The following CLIC5 variants were observed in gnomAD, a reference collection of about 807,000 sequenced individuals.
CLIC5 encodes the protein chloride intracellular channel protein 5.
A neutral mutation model predicts 24.7 loss-of-function variants in CLIC5; 20 were observed. That is an observed-to-expected ratio of 0.81 (90% CI 0.57 to 1.18). The LOEUF is 1.18. Among genes scored for constraint, CLIC5 ranks in the 50% most tolerant of loss-of-function variants. CLIC5 has a pLI of 0.00. For missense variants in CLIC5, 341 were observed against 326.1 expected, an observed-to-expected ratio of 1.05 and a Z score of -0.35; for synonymous variants, 159 against 135.6, an observed-to-expected ratio of 1.17 and a Z score of -1.20.
chr6:45,946,575 G>A (rs1048132184), intron 3 of CLIC5, among the ~76,000 whole-genome samples: 4 of 152,176 alleles, frequency 2.6e-5, no homozygotes, highest in African/African-American at 4.8e-5. Context: ...GGGTTTTGCT[G>A]CCCCCTAGAG....
intron 1 of CLIC5, among the ~76,000 whole-genome samples, chr6:46,056,998 C>A (rs1462230811): frequency 2.6e-5 from 4 of 152,202 alleles, no homozygotes; most frequent in East Asian, 3.8e-4. Context: ...GGGTACCATG[C>A]ATATCTCAGA....
In CLIC5 at chr6:45,980,719, C is replaced by A. The variant is rs971007807; in HGVS notation, c.64-25475G>T. On this transcript the variant is annotated intron_variant, in intron 1 of 5. Coordinates refer to ENST00000339561, the MANE Select transcript of CLIC5 (RefSeq NM_016929.5). Reference sequence around the variant, plus strand: ...AATTCCAATAATTAAAAAAAAAAAACCTAGAAAGAAACCAAAACATTATCA... The same window carrying A: ...AATTCCAATAATTAAAAAAAAAAAAACTAGAAAGAAACCAAAACATTATCA... Among the ~76,000 whole-genome samples the A allele has an allele frequency of 5.3e-5, 8 of 150,770 alleles. 1 individual carries two copies.
At chr6:46,028,613 A>G (rs935894592) in intron 1 of CLIC5, among the ~76,000 whole-genome samples, 1 of 152,156 alleles carries the variant, frequency 6.6e-6, no homozygotes, top group African/African-American at 2.4e-5. Context: ...TAAGCCATGT[A>G]TGATCTATTT....
At chr6:46,066,873 G>C (rs1762457306) in intron 1 of CLIC5, among the ~76,000 whole-genome samples, 1 of 152,140 alleles carries the variant, frequency 6.6e-6, no homozygotes, top group African/African-American at 2.4e-5. Context: ...TGTAGGCAGA[G>C]GTATCAGCAT....
At chr6:45,909,388 C>T (rs1009658642) in intron 5 of CLIC5, among the ~76,000 whole-genome samples, 1 of 152,132 alleles carries the variant, frequency 6.6e-6, no homozygotes, top group Middle Eastern at 3.2e-3. Context: ...TGGCTATTTA[C>T]AAGTGTGTTT....
chr6:46,114,075 C>A, the CLIC5 span, among the ~76,000 whole-genome samples: 1 of 152,166 alleles, frequency 6.6e-6, no homozygotes, highest in African/African-American at 2.4e-5. Flanking sequence ...TTTAAAGAGA[C>A]ATTACACTCT....
the CLIC5 span, among the ~76,000 whole-genome samples, chr6:46,092,833 A>G: frequency 6.6e-6 from 1 of 152,136 alleles, no homozygotes; most frequent in Admixed American, 6.5e-5. Context: ...TATTACTTCC[A>G]TGTCCTGAAG....
At chr6:46,124,879 G>A in the CLIC5 span, among the ~76,000 whole-genome samples, 90 of 152,258 alleles carry the variant, frequency 5.9e-4, no homozygotes, top group South Asian at 8.9e-3. Flanking sequence ...ACAATGAGAT[G>A]TCATCTCACA....
intron 1 of CLIC5, chr6:46,014,841 C>G (rs139743619): frequency 1.3e-4 from 20 of 152,344 alleles, no homozygotes; most frequent in African/African-American, 4.6e-4. Context: ...ACGGGAGGCT[C>G]TCCCTACTAC....
chr6:45,967,891 AG>A (rs1405294854), intron 1 of CLIC5, among the ~76,000 whole-genome samples: 1 of 152,188 alleles, frequency 6.6e-6, no homozygotes, highest in Non-Finnish European at 1.5e-5. Context: ...GCACAAAGTC[AG>A]GAGGGAACCA....
chr6:46,034,484 C>T (rs1246643928), intron 1 of CLIC5, among the ~76,000 whole-genome samples: 2 of 152,172 alleles, frequency 1.3e-5, no homozygotes, highest in African/African-American at 4.8e-5. Flanking sequence ...TGCCTGTAAC[C>T]TCAGCACTTT....
At chr6:46,041,647 T>C (rs1264735958) in intron 1 of CLIC5, among the ~76,000 whole-genome samples, 1 of 152,224 alleles carries the variant, frequency 6.6e-6, no homozygotes, top group African/African-American at 2.4e-5. Context: ...TAATTACATG[T>C]CTGCTCATTT....
intron 1 of CLIC5, among the ~76,000 whole-genome samples, chr6:46,049,944 AG>A (rs1416844775): frequency 6.6e-6 from 1 of 152,208 alleles, no homozygotes; most frequent in Non-Finnish European, 1.5e-5. Context: ...GAGGAGAATT[AG>A]GGACTGTTTC....
the CLIC5 span, among the ~76,000 whole-genome samples, chr6:46,088,891 A>T: frequency 5.3e-5 from 8 of 152,208 alleles, no homozygotes; most frequent in Non-Finnish European, 7.3e-5. Flanking sequence ...ATCTTCTCTC[A>T]TTCTTGTCCC....
In CLIC5 at chr6:45,920,030, C is replaced by T. The variant is rs568854060; in HGVS notation, c.407-5621G>A. ...GGGTGCAAGGACTGTCCCATCACTC[C>T]TTGGGTATTCACGTGGCCTGACAGG... is the stretch of plus-strand genomic sequence containing the variant. On this transcript the variant is annotated intron_variant, in intron 4 of 5. Transcript: ENST00000339561. The T allele has an allele frequency of 1.0e-5, 3 of 290,732 alleles. No homozygotes were observed. The South Asian group carries it at 4.1e-4, about 39-fold the overall frequency. 18.0% of individuals were successfully genotyped at this position (290,732 alleles called of 1,614,324 possible). A position where few individuals can be genotyped will look rare whatever the true frequency, so the allele number is the denominator to read the frequency against.
chr6:46,042,946 C>T (rs6936849), intron 1 of CLIC5, among the ~76,000 whole-genome samples: 20,442 of 152,212 alleles, frequency 0.13, 1,476 homozygotes, highest in African/African-American at 0.16. Flanking sequence ...AGGGCCAAGG[C>T]ACATGCTTCT....
In CLIC5 at chr6:46,064,746, A is replaced by G. The variant is rs116575917; in HGVS notation, c.540+14957T>C. On this transcript the variant is annotated intron_variant, in intron 1 of 5. Transcript: ENST00000185206. ...AGGGAATGAAGGAAGAGAAGAAGGG[A>G]GGGAGGAAAGGGAAGAAAATAAATC... is the stretch of plus-strand genomic sequence containing the variant. Among the ~76,000 whole-genome samples, 547 of 152,260 alleles carry G rather than the reference A, an allele frequency of 3.6e-3. 1 individual carries two copies. Among genetic ancestry groups the G allele is most frequent in the African/African-American group, 0.013 (527 of 41,570 alleles).
intron 3 of CLIC5, among the ~76,000 whole-genome samples, chr6:45,943,450 A>G (rs915578695): frequency 2.0e-5 from 3 of 152,238 alleles, no homozygotes; most frequent in African/African-American, 7.2e-5. Context: ...GGCTTCCTGC[A>G]AGATACTAGG....
chr6:45,955,325 G>T (rs1035597074), intron 1 of CLIC5, 81 bp from the exon 2 acceptor site: 2 of 957,142 alleles, frequency 2.1e-6, no homozygotes, highest in African/African-American at 3.2e-5. Context: ...CCAAATGCAG[G>T]TCTGAGGAGA....
Sources: allele counts gnomAD v4.1 joint callset (sites outside exome capture counted in the v4.1 genomes callset), GRCh38; gene constraint gnomAD v4.1.1; transcripts MANE v1.5; gene names NCBI Gene and HGNC (gene_info 2026-07-23, HGNC 2026-07-21).